BBOX1: variants seen among roughly 807,000 people sequenced by gnomAD.
BBOX1 encodes gamma-butyrobetaine dioxygenase.
BBOX1 carries 35 observed loss-of-function variants against 41.6 expected under a neutral mutation model. That is an observed-to-expected ratio of 0.84 (90% CI 0.64 to 1.11). The LOEUF (loss-of-function observed/expected upper bound fraction) is 1.11. Ranked by LOEUF, BBOX1 falls within the 50% of genes most tolerant of loss-of-function variation. The probability of loss-of-function intolerance (pLI) is 0.00; values close to 1 mark genes in which losing one functional copy is unlikely to be tolerated. For missense variants in BBOX1, 458 were observed against 460.6 expected (o/e 0.99, Z 0.05); for synonymous variants, 163 against 154.7 (o/e 1.05, Z -0.40).
chr11:27,126,572 A>C (rs576527821), intron 8 of BBOX1, among the ~76,000 whole-genome samples: 1 of 152,208 alleles, frequency 6.6e-6, no homozygotes, highest in Non-Finnish European at 1.5e-5. Flanking sequence ...AGGCTTAGAA[A>C]TAATGTGGCA....
Position 27,103,406 on chromosome 11 carries a change from T to C in BBOX1, c.533+10040T>C, listed in dbSNP as rs1349266787. ...ATTCTGTTCCTTTGCTTTGGGCTTC[T>C]TCTTTTGAGGACTCCTGTTAAGTAT... On this transcript the variant is annotated intron_variant, in intron 5 of 8. Transcript: ENST00000263182. 3.9e-5 allele frequency among the ~76,000 whole-genome samples: 6 copies of C among 152,240 alleles called. No homozygotes were observed. The East Asian group carries it at 7.7e-4, about 20-fold the overall frequency.
intron 5 of BBOX1, among the ~76,000 whole-genome samples, chr11:27,114,504 A>G (rs1859186815): frequency 6.6e-6 from 1 of 151,868 alleles, no homozygotes; most frequent in Admixed American, 6.6e-5. Flanking sequence ...TTTAACTACG[A>G]ATCTACAGTA....
intron 5 of BBOX1, among the ~76,000 whole-genome samples, chr11:27,100,097 G>C (rs1209032279): frequency 6.6e-6 from 1 of 152,014 alleles, no homozygotes; most frequent in Non-Finnish European, 1.5e-5. Flanking sequence ...AGCCAGCCCA[G>C]CAGCATTTCA....
At position 27,127,735 on chromosome 11, in the gene BBOX1, G is replaced by T; in HGVS notation, c.*282G>T. The T allele has an allele frequency of 3.5e-6, 1 of 285,350 alleles. No individual in the cohort carries two copies. The highest frequency in any genetic ancestry group is 6.4e-6 in the Non-Finnish European group (1 of 155,706). The allele number at this position is 285,350 out of a possible 1,614,324, so 17.7% of individuals were successfully genotyped here. On this transcript the variant is annotated 3_prime_UTR_variant, in exon 9 of 9. Coordinates refer to ENST00000263182, the MANE Select transcript of BBOX1 (RefSeq NM_003986.3). ...AGTATCTCCAGAATGTCTACAAATA[G>T]TTTTTGTAGCAAATGAAAATTTCTT...
chr11:27,099,648 A>T (rs2134058305), intron 5 of BBOX1, among the ~76,000 whole-genome samples: 2 of 152,222 alleles, frequency 1.3e-5, no homozygotes, highest in Admixed American at 1.3e-4. Flanking sequence ...ACAGCTGCTC[A>T]TAGGATCAAC....
At chr11:27,091,152 T>C (rs910566436) in intron 4 of BBOX1, among the ~76,000 whole-genome samples, 2 of 151,976 alleles carry the variant, frequency 1.3e-5, no homozygotes, top group Admixed American at 6.6e-5. Context: ...TCACAATTTA[T>C]GTTCCTCTGC....
chr11:27,057,495 T>C, intron 4 of BBOX1, 180 bp downstream of exon 4: 1 of 564,960 alleles, frequency 1.8e-6, no homozygotes, highest in Non-Finnish European at 3.1e-6. Context: ...TGAAAAGGAG[T>C]ATAGAGTAAT....
intron 4 of BBOX1, among the ~76,000 whole-genome samples, chr11:27,075,724 A>G (rs948422179): frequency 6.6e-6 from 1 of 152,142 alleles, no homozygotes; most frequent in Admixed American, 6.5e-5. Flanking sequence ...TTGTGACTCT[A>G]CCCCTCAGGC....
chr11:27,058,070 T>C (rs1857037895), intron 4 of BBOX1, among the ~76,000 whole-genome samples: 1 of 152,188 alleles, frequency 6.6e-6, no homozygotes, highest in East Asian at 1.9e-4. Flanking sequence ...TACAATTCAT[T>C]CTCTGCCTAT....
At chr11:27,084,369 G>C (rs187940247) in intron 4 of BBOX1, among the ~76,000 whole-genome samples, 55 of 151,974 alleles carry the variant, frequency 3.6e-4, no homozygotes, top group African/African-American at 1.3e-3. Context: ...TCATCACAGG[G>C]TCAGCTTCAG....
intron 2 of BBOX1, among the ~76,000 whole-genome samples, chr11:27,049,811 T>C (rs1427540507): frequency 6.6e-6 from 1 of 152,130 alleles, no homozygotes; most frequent in African/African-American, 2.4e-5. Flanking sequence ...TTAGGCTGTC[T>C]CCTCACTCTC....
At chr11:27,043,459 C>CAAAATGTGCAGGTTTGGGGTACAT (rs1564948369) in intron 2 of BBOX1, among the ~76,000 whole-genome samples, 1 of 151,306 alleles carries the variant, frequency 6.6e-6, no homozygotes, top group African/African-American at 2.4e-5. Context: ...TTGGGGTACA[C>CAAAATGTGCAGGTTTGGGGTACAT]GTGCAGAATG....
intron 5 of BBOX1, among the ~76,000 whole-genome samples, chr11:27,102,172 A>T (rs1474873745): frequency 6.6e-6 from 1 of 152,140 alleles, no homozygotes; most frequent in Non-Finnish European, 1.5e-5. Context: ...AAAAAATAGA[A>T]AAAGCAAAGT....
chr11:27,127,318 G>T lies in BBOX1; in HGVS notation c.1029G>T (p.Trp343Cys), dbSNP rs760946212. 6.2e-7 allele frequency: 1 copy of T among 1,614,018 alleles called. No homozygotes were observed. The highest frequency in any genetic ancestry group is 8.5e-7 in the Non-Finnish European group (1 of 1,180,000). Residue 343 changes from tryptophan to cysteine, a missense_variant, in exon 9 of 9, where the codon TGG becomes TGT. Trp to Cys is a radical substitution (Grantham distance 215). Coordinates refer to ENST00000263182, the MANE Select transcript of BBOX1 (RefSeq NM_003986.3). ...NPGDVITFDNWRLLHGRRSYE... is the reference protein window; with the variant it reads ...NPGDVITFDNCRLLHGRRSYE... ...GTGATGTGATTACTTTTGATAACTG[G>T]CGCTTACTTCATGGCCGACGTAGCT...
chr11:27,060,453 A>G (rs1043171657), intron 4 of BBOX1, among the ~76,000 whole-genome samples: 12 of 152,156 alleles, frequency 7.9e-5, no homozygotes, highest in Admixed American at 7.2e-4. Flanking sequence ...ACACAGTCTC[A>G]GGTATTTATT....
At chr11:27,121,784 A>C (rs1020968459) in intron 7 of BBOX1, among the ~76,000 whole-genome samples, 3 of 152,232 alleles carry the variant, frequency 2.0e-5, no homozygotes. Flanking sequence ...ATATTAACTT[A>C]AAAATTCATG....
At chr11:27,101,437 T>G (rs1312765947) in intron 5 of BBOX1, among the ~76,000 whole-genome samples, 2 of 152,138 alleles carry the variant, frequency 1.3e-5, no homozygotes, top group African/African-American at 4.8e-5. Context: ...AAAATTTGAC[T>G]GCCTCCAACT....
intron 5 of BBOX1, among the ~76,000 whole-genome samples, chr11:27,107,984 T>C (rs1267582060): frequency 6.6e-6 from 1 of 152,132 alleles, no homozygotes; most frequent in East Asian, 1.9e-4. Context: ...ACTTGTGCTA[T>C]GACCATTAGG....
chr11:27,073,365 C>A (rs928116363), intron 4 of BBOX1, among the ~76,000 whole-genome samples: 13 of 152,076 alleles, frequency 8.5e-5, no homozygotes, highest in Admixed American at 4.6e-4. Context: ...CAATGAGATA[C>A]CATCTCACAC....
Sources: gnomAD v4.1 joint callset for allele counts (sites outside exome capture counted in the v4.1 genomes callset) on GRCh38, gnomAD v4.1.1 for gene constraint, MANE v1.5 for transcripts, NCBI Gene and HGNC (gene_info 2026-07-23, HGNC 2026-07-21) for gene names.